Variants in GALNT13 observed in about 807,000 individuals in gnomAD.
GALNT13 encodes the protein UDP-GalNAc:polypeptide N-acetylgalactosaminyltransferase 13.
A neutral mutation model predicts 64.2 loss-of-function variants in GALNT13; 28 were observed. That is an observed-to-expected ratio of 0.44 (90% CI 0.32 to 0.60). GALNT13 has a LOEUF of 0.60. Among genes scored for constraint, GALNT13 ranks in the 20% least tolerant of loss-of-function variants. The probability of loss-of-function intolerance (pLI) is 0.05; values close to 1 mark genes in which losing one functional copy is unlikely to be tolerated. For synonymous variants in GALNT13, 214 were observed against 224.6 expected (o/e 0.95, Z 0.42); for missense variants, 577 against 669.8 (o/e 0.86, Z 1.53).
chr2:154,289,006 C>A (rs1449873534), intron 8 of GALNT13, among the ~76,000 whole-genome samples: 1 of 152,224 alleles, frequency 6.6e-6, no homozygotes, highest in Non-Finnish European at 1.5e-5. Context: ...GCAAGAGGTT[C>A]TCCCTGAGGG....
At chr2:153,548,699 G>A in the GALNT13 span, among the ~76,000 whole-genome samples, 2 of 152,152 alleles carry the variant, frequency 1.3e-5, no homozygotes, top group Admixed American at 1.3e-4. Flanking sequence ...CACATGGTAT[G>A]GTTCAGTCAG....
chr2:154,374,807 AT>A (rs924824758), intron 9 of GALNT13, among the ~76,000 whole-genome samples: 1 of 152,096 alleles, frequency 6.6e-6, no homozygotes, highest in African/African-American at 2.4e-5. Context: ...CCAGATTTTT[AT>A]TTTTTTAACT....
the GALNT13 span, among the ~76,000 whole-genome samples, chr2:153,081,156 T>C: frequency 6.6e-6 from 1 of 152,166 alleles, no homozygotes; most frequent in South Asian, 2.1e-4. Flanking sequence ...TTTCACTATA[T>C]GGTATATACA....
At chr2:153,485,001 C>G in the GALNT13 span, among the ~76,000 whole-genome samples, 1 of 152,096 alleles carries the variant, frequency 6.6e-6, no homozygotes, top group African/African-American at 2.4e-5. Context: ...TTCTTGAGCA[C>G]CAAGAGTTAT....
chr2:153,532,245 G>A, the GALNT13 span, among the ~76,000 whole-genome samples: 1 of 152,030 alleles, frequency 6.6e-6, no homozygotes, highest in Non-Finnish European at 1.5e-5. Context: ...CTCAACTCTT[G>A]CATTCTGCAT....
At chr2:153,402,386 G>A in the GALNT13 span, among the ~76,000 whole-genome samples, 1 of 150,508 alleles carries the variant, frequency 6.6e-6, no homozygotes, top group South Asian at 2.1e-4. Flanking sequence ...CAACTTTGGT[G>A]AATCTGACAA....
Position 153,927,386 on chromosome 2 carries a change from T to G in GALNT13, c.-104-17008T>G, listed in dbSNP as rs1289104812. On this transcript the variant is annotated intron_variant, in intron 2 of 12. Coordinates refer to ENST00000392825, the MANE Select transcript of GALNT13 (RefSeq NM_052917.4). ...GTTTACAGGTTGGCTTTTCATGTGC[T>G]TGTACACATAATGGTAATCTCTGCT... Among the ~76,000 whole-genome samples, 3 of 152,072 alleles carry G rather than the reference T, an allele frequency of 2.0e-5. No individual in the cohort carries two copies. In the East Asian group the frequency reaches 5.8e-4, roughly 29 times the overall value.
chr2:153,906,758 C>T lies in GALNT13; in HGVS notation c.-105+5751C>T, dbSNP rs1433549154. On this transcript the variant is annotated intron_variant, in intron 2 of 12. Transcript: ENST00000392825. ...TGATTTATAATCCTTTGGGTATATA[C>T]CCAGTAATGGGATGGCTGGGTCAAA... 4.4e-3 allele frequency among the ~76,000 whole-genome samples: 670 copies of T among 151,600 alleles called. 3 individuals carry two copies. The highest frequency in any genetic ancestry group is 0.015 in the African/African-American group (638 of 41,352).
chr2:153,920,688 A>G (rs1689694740), intron 2 of GALNT13, among the ~76,000 whole-genome samples: 1 of 152,008 alleles, frequency 6.6e-6, no homozygotes, highest in Admixed American at 6.6e-5. Context: ...CAACAGAACA[A>G]ACAGACAATC....
intron 3 of GALNT13, among the ~76,000 whole-genome samples, chr2:154,074,474 A>G (rs1700888375): frequency 6.6e-6 from 1 of 151,934 alleles, no homozygotes; most frequent in Admixed American, 6.6e-5. Flanking sequence ...TACTATTACC[A>G]TAATTTTGTA....
At chr2:153,753,939 C>T in the GALNT13 span, among the ~76,000 whole-genome samples, 2 of 152,336 alleles carry the variant, frequency 1.3e-5, no homozygotes, top group South Asian at 2.1e-4. Context: ...TAGAGCATTT[C>T]CCAGTTTTCT....
intron 9 of GALNT13, among the ~76,000 whole-genome samples, chr2:154,326,208 C>T (rs1316250293): frequency 6.6e-6 from 1 of 151,854 alleles, no homozygotes; most frequent in African/African-American, 2.4e-5. Flanking sequence ...TTGGCCCTGT[C>T]TGGTGTTGCC....
intron 9 of GALNT13, among the ~76,000 whole-genome samples, chr2:154,323,360 A>G (rs563122274): frequency 7.8e-4 from 119 of 152,114 alleles, no homozygotes; most frequent in African/African-American, 2.7e-3. Context: ...TTTTCCCCCT[A>G]AACTTTGAGT....
chr2:153,751,765 GT>G, the GALNT13 span, among the ~76,000 whole-genome samples: 7 of 148,274 alleles, frequency 4.7e-5, no homozygotes, highest in African/African-American at 2.5e-5. Flanking sequence ...AATGGGTCTT[GT>G]TTTTTTTTCA....
the GALNT13 span, among the ~76,000 whole-genome samples, chr2:153,767,762 T>C: frequency 8.5e-5 from 13 of 152,102 alleles, no homozygotes; most frequent in African/African-American, 3.1e-4. Context: ...TTGAAAATAG[T>C]GTAGTTCATG....
intron 3 of GALNT13, among the ~76,000 whole-genome samples, chr2:153,960,049 G>T (rs1258772254): frequency 6.6e-6 from 1 of 152,230 alleles, no homozygotes; most frequent in Non-Finnish European, 1.5e-5. Flanking sequence ...CACTATGGCT[G>T]CTTGTTCATC....
At chr2:153,478,235 G>A in the GALNT13 span, 11 of 1,609,014 alleles carry the variant, frequency 6.8e-6, no homozygotes, top group Middle Eastern at 1.6e-4. Context: ...CAGAGGGCGG[G>A]TCAGTAGGGC....
chr2:153,966,330 A>C (rs1262465134), intron 3 of GALNT13, among the ~76,000 whole-genome samples: 1 of 147,926 alleles, frequency 6.8e-6, no homozygotes, highest in African/African-American at 2.5e-5. Context: ...AAAGTTTCTT[A>C]ATATGCTATT....
At chr2:153,974,142 A>G (rs1693922306) in intron 3 of GALNT13, among the ~76,000 whole-genome samples, 1 of 152,014 alleles carries the variant, frequency 6.6e-6, no homozygotes, top group Non-Finnish European at 1.5e-5. Flanking sequence ...CTGAAACACT[A>G]TTTTGTGGCT....
Sources: gnomAD v4.1 joint callset for allele counts (sites outside exome capture counted in the v4.1 genomes callset) on GRCh38, gnomAD v4.1.1 for gene constraint, MANE v1.5 for transcripts, NCBI Gene and HGNC (gene_info 2026-07-23, HGNC 2026-07-21) for gene names.